Variants in ABCA10 observed in about 807,000 individuals in gnomAD.
ABCA10 encodes the protein ATP binding cassette subfamily A member 10, also known as ATP-binding cassette sub-family A member 10.
In ABCA10, 169 loss-of-function variants were observed where a neutral mutation model predicts 187.5. The ratio of observed to expected loss-of-function variants is 0.90; its 90% CI spans 0.80 to 1.02. ABCA10 has a LOEUF of 1.02. Among genes scored for constraint, ABCA10 ranks in the 50% least tolerant of loss-of-function variants. The pLI is 0.00. For synonymous variants in ABCA10, 574 were observed against 601.8 expected (o/e 0.95, Z 0.68); for missense variants, 1,727 against 1,812.4 (o/e 0.95, Z 0.86).
At chr17:69,198,048 C>G (rs183536615) in intron 10 of ABCA10, among the ~76,000 whole-genome samples, 1 of 152,168 alleles carries the variant, frequency 6.6e-6, no homozygotes, top group Non-Finnish European at 1.5e-5. Flanking sequence ...CTACTATCTA[C>G]CCAGGAACTC....
intron 10 of ABCA10, 136 bp downstream of exon 10, chr17:69,201,364 A>C (rs2074542842): frequency 1.3e-6 from 1 of 771,312 alleles, no homozygotes; most frequent in Admixed American, 3.8e-5. Context: ...AAAATGGTGA[A>C]TGAGAGGAAT....
chr17:69,219,673 T>C lies in ABCA10; in HGVS notation c.402A>G (p.Glu134=). The C allele has an allele frequency of 6.2e-7, 1 of 1,610,962 alleles. No homozygotes were observed. Residue 134 remains glutamate (E), a synonymous_variant, in exon 6 of 39, where the codon GAA becomes GAG. Coordinates refer to ENST00000690296, the MANE Select transcript of ABCA10 (RefSeq NM_001377321.1). ...PFISKGEIMN[E]WFHFTCLVSF... ...AAACTAAGCAAGTAAAATGAAACCATTCATTCATAATTTCTCCCTTAGAAA... is the reference window on the plus strand; with the variant it reads ...AAACTAAGCAAGTAAAATGAAACCACTCATTCATAATTTCTCCCTTAGAAA...
At position 69,187,568 on chromosome 17, in the gene ABCA10, A is replaced by T. The variant is rs1414454272; in HGVS notation, c.2330+113T>A. The T allele has an allele frequency of 2.6e-6, 3 of 1,159,034 alleles. No homozygotes were observed. The African/African-American group carries it at 4.7e-5, about 18-fold the overall frequency. 71.8% of individuals were successfully genotyped at this position (1,159,034 alleles called of 1,614,324 possible). On this transcript the variant is annotated intron_variant, in intron 19 of 38. Coordinates refer to ENST00000690296, the MANE Select transcript of ABCA10 (RefSeq NM_001377321.1). ...TTTCCTCAGTAACAGCAGGATAGGTAAACATACAAAAAAACTGTTAAATGA... is the reference window on the plus strand; with the variant it reads ...TTTCCTCAGTAACAGCAGGATAGGTTAACATACAAAAAAACTGTTAAATGA...
intron 2 of ABCA10, among the ~76,000 whole-genome samples, chr17:69,225,771 CT>C (rs1020409984): frequency 3.3e-5 from 5 of 152,044 alleles, no homozygotes; most frequent in Non-Finnish European, 7.4e-5. Context: ...TTTAGCACCC[CT>C]ATTAGTGGGA....
At chr17:69,175,543 T>C (rs1277300887) in intron 22 of ABCA10, 30 bp from the exon 23 acceptor site, 1 of 1,507,772 alleles carries the variant, frequency 6.6e-7, no homozygotes. Flanking sequence ...CAGTAAGCTG[T>C]TGCAATTGTT....
chr17:69,171,344 A>G (rs975381329), intron 25 of ABCA10, among the ~76,000 whole-genome samples: 1 of 152,248 alleles, frequency 6.6e-6, no homozygotes, highest in Admixed American at 6.5e-5. Context: ...GGAAAACAAA[A>G]TTGAAATTTT....
Position 69,164,013 on chromosome 17 carries a change from A to C in ABCA10, c.3363+61T>G, listed in dbSNP as rs545780911. 5 of 1,341,416 alleles carry C rather than the reference A, an allele frequency of 3.7e-6. No individual in the cohort carries two copies. In the South Asian group the frequency reaches 7.9e-5, roughly 21 times the overall value. 83.1% of individuals were successfully genotyped at this position (1,341,416 alleles called of 1,614,324 possible). On this transcript the variant is annotated intron_variant, in intron 27 of 38. Coordinates refer to ENST00000690296, the MANE Select transcript of ABCA10 (RefSeq NM_001377321.1). ...ATTTAAATTTGGCATACCTTGAATA[A>C]GATTTCACGGGGCTATGAATCTTAT...
rs370083970 is a variant in ABCA10, at chr17:69,193,964, T to C, written c.1371A>G (p.Gln457=). Residue 457 remains glutamine, a synonymous_variant, in exon 13 of 39, where the codon CAA becomes CAG. Transcript: ENST00000690296. ...TEGSATIYNT[Q]LSEITDMEEI... ...CTTCCATGTCAGTTATTTCAGAGAG[T>C]TGAGTATTATAAATAGTGGCTGATC... 1.3e-5 allele frequency: 21 copies of C among 1,603,756 alleles called. No homozygotes were observed. In the Admixed American group the frequency reaches 1.7e-4, roughly 13 times the overall value.
At chr17:69,236,715 T>G (rs2074874022) in intron 1 of ABCA10, among the ~76,000 whole-genome samples, 2 of 152,152 alleles carry the variant, frequency 1.3e-5, no homozygotes, top group South Asian at 4.1e-4. Flanking sequence ...TGGGAGTAAT[T>G]TTGTCTTCCT....
chr17:69,222,276 TCCAGTGAGCCA>T (rs1358215417), intron 4 of ABCA10, among the ~76,000 whole-genome samples: 1 of 150,764 alleles, frequency 6.6e-6, no homozygotes, highest in Non-Finnish European at 1.5e-5. Flanking sequence ...AGGCAGCGGT[TCCAGTGAGCCA>T]AGATCGCGCC....
intron 25 of ABCA10, among the ~76,000 whole-genome samples, chr17:69,171,853 A>G (rs1007887420): frequency 1.3e-5 from 2 of 151,976 alleles, no homozygotes; most frequent in Non-Finnish European, 2.9e-5. Context: ...ATGAGGGTGA[A>G]AAAAGATTTT....
rs915269419 is a variant in ABCA10 at position 69,151,985 on chromosome 17, T to C, written c.4397+58A>G. ...CCGGTTTAGACTAGCACAAAACTAA[T>C]TGATGCTAATACTGGAAAACACTCA... On this transcript the variant is annotated intron_variant, in intron 36 of 38. Transcript: ENST00000690296. 1.1e-4 allele frequency: 167 copies of C among 1,561,368 alleles called. 1 individual carries two copies. The highest frequency in any genetic ancestry group is 1.3e-4 in the Non-Finnish European group (151 of 1,160,084).
At chr17:69,219,344 C>T (rs8073982) in intron 6 of ABCA10, among the ~76,000 whole-genome samples, 99,026 of 152,002 alleles carry the variant, frequency 0.65, 32,820 homozygotes, top group African/African-American at 0.7. Context: ...GTAATGATCA[C>T]ATATTTTTCT....
intron 25 of ABCA10, among the ~76,000 whole-genome samples, chr17:69,169,271 C>A (rs2074277959): frequency 6.6e-6 from 1 of 152,162 alleles, no homozygotes; most frequent in African/African-American, 2.4e-5. Flanking sequence ...AATTCTTAAT[C>A]ATTATACTTT....
chr17:69,155,629 A>G (rs1300804043), intron 29 of ABCA10, among the ~76,000 whole-genome samples, 176 bp downstream of exon 29: 1 of 152,212 alleles, frequency 6.6e-6, no homozygotes, highest in African/African-American at 2.4e-5. Flanking sequence ...AAGAAGAAAA[A>G]ATTAAAAGAA....
chr17:69,201,409 G>T, intron 10 of ABCA10, 91 bp downstream of exon 10: 1 of 1,159,628 alleles, frequency 8.6e-7, no homozygotes, highest in South Asian at 2.6e-5. Flanking sequence ...AAAAAGAAAA[G>T]AACACATAAT....
At chr17:69,204,141 C>T (rs2074571473) in intron 9 of ABCA10, among the ~76,000 whole-genome samples, 1 of 152,290 alleles carries the variant, frequency 6.6e-6, no homozygotes, top group East Asian at 1.9e-4. Context: ...CTATATTGTC[C>T]TGTGCCATGT....
chr17:69,174,189 C>A, intron 25 of ABCA10, 92 bp downstream of exon 25: 1 of 884,252 alleles, frequency 1.1e-6, no homozygotes, highest in Non-Finnish European at 1.6e-6. Flanking sequence ...ACCCTCCATT[C>A]TCTTCTAAGC....
chr17:69,164,926 A>C (rs773150823), intron 26 of ABCA10, 38 bp downstream of exon 26: 1 of 1,593,894 alleles, frequency 6.3e-7, no homozygotes, highest in Non-Finnish European at 8.5e-7. Context: ...ATGGGCTACA[A>C]GGTCAAGACT....
Sources: gnomAD v4.1 joint callset for allele counts (sites outside exome capture counted in the v4.1 genomes callset) on GRCh38, gnomAD v4.1.1 for gene constraint, MANE v1.5 for transcripts, NCBI Gene and HGNC (gene_info 2026-07-23, HGNC 2026-07-21) for gene names.